Variants in PTPRG observed in about 807,000 individuals in gnomAD.
The protein encoded by PTPRG is receptor-type tyrosine-protein phosphatase gamma.
PTPRG carries 102 observed loss-of-function variants against 165.3 expected under a neutral mutation model. That is an observed-to-expected ratio of 0.62 (90% CI 0.53 to 0.73). PTPRG has a LOEUF of 0.73. Among genes scored for constraint, PTPRG ranks in the 30% least tolerant of loss-of-function variants. The pLI is 0.00. For synonymous variants in PTPRG, 675 were observed against 669.5 expected (o/e 1.01, Z -0.13); for missense variants, 1,866 against 1,861.4 (o/e 1.00, Z -0.05).
intron 1 of PTPRG, among the ~76,000 whole-genome samples, chr3:61,713,945 A>G (rs2031690564): frequency 6.6e-6 from 1 of 152,246 alleles, no homozygotes. Context: ...TAGGTTACAA[A>G]TGAACGATAA....
At chr3:62,065,691 G>A (rs2048197) in intron 4 of PTPRG, among the ~76,000 whole-genome samples, 55,216 of 152,024 alleles carry the variant, frequency 0.36, 10,380 homozygotes, top group Admixed American at 0.41. Flanking sequence ...TGCCTACCAT[G>A]TGCTTAGCTT....
At chr3:62,259,299 GTAGGCAGGGCTGTCCAATCTTTTGGC>G (rs1701625602) in intron 16 of PTPRG, among the ~76,000 whole-genome samples, 1 of 152,174 alleles carries the variant, frequency 6.6e-6, no homozygotes, top group African/African-American at 2.4e-5. Context: ...AAATGAGCCT[GTAGGCAGGGCTGTCCAATCTTTTGGC>G]TTCCCTAGGC....
At position 61,742,787 on chromosome 3, in the gene PTPRG, C is replaced by G. The variant is rs2033046150; in HGVS notation, c.86-6091C>G. ...AGAGACTCTGAGGCCAAAAACGCAT[C>G]ATACTTCTTGGCCAGCTTCTTGACC... On this transcript the variant is annotated intron_variant, in intron 1 of 29. Coordinates refer to ENST00000474889, the MANE Select transcript of PTPRG (RefSeq NM_002841.4). The G allele has an allele frequency of 5.6e-6, 9 of 1,611,286 alleles. No individual in the cohort carries two copies. In the Admixed American group the frequency reaches 1.3e-4, roughly 24 times the overall value.
intron 2 of PTPRG, among the ~76,000 whole-genome samples, chr3:61,878,052 G>A (rs181560245): frequency 6.6e-6 from 1 of 152,264 alleles, no homozygotes; most frequent in East Asian, 1.9e-4. Flanking sequence ...GGGATTTTTT[G>A]TATGAGATAA....
chr3:61,943,855 G>C (rs1037730725), intron 2 of PTPRG, among the ~76,000 whole-genome samples: 4 of 152,168 alleles, frequency 2.6e-5, no homozygotes, highest in Non-Finnish European at 5.9e-5. Flanking sequence ...TGGGATAGAG[G>C]TCATCACCCT....
At chr3:61,652,169 A>G (rs938793469) in intron 1 of PTPRG, among the ~76,000 whole-genome samples, 2 of 151,902 alleles carry the variant, frequency 1.3e-5, no homozygotes, top group African/African-American at 4.8e-5. Context: ...TTAGCAGGGT[A>G]TGGTGGTGGA....
At chr3:61,835,476 G>A (rs2036430127) in intron 2 of PTPRG, among the ~76,000 whole-genome samples, 1 of 152,022 alleles carries the variant, frequency 6.6e-6, no homozygotes, top group African/African-American at 2.4e-5. Flanking sequence ...TGGGATTACA[G>A]GCACACGCCA....
chr3:61,824,788 G>A (rs995623241), intron 2 of PTPRG, among the ~76,000 whole-genome samples: 6 of 152,206 alleles, frequency 3.9e-5, no homozygotes, highest in African/African-American at 1.4e-4. Flanking sequence ...AAGACCTCAT[G>A]TCAAAACAAA....
At chr3:62,057,566 A>G (rs1227866898) in intron 4 of PTPRG, among the ~76,000 whole-genome samples, 2 of 152,194 alleles carry the variant, frequency 1.3e-5, no homozygotes, top group Non-Finnish European at 2.9e-5. Context: ...TCACAGCTCA[A>G]AAAACTGAAA....
rs568797548 is a variant in PTPRG at position 62,295,854 on chromosome 3, A to G, written c.*2547A>G. On this transcript the variant is annotated 3_prime_UTR_variant, in exon 30 of 30. Transcript: ENST00000474889. ...TTATTCATGTGTTATTGGCAAAAAC[A>G]TAGCTTGCATCTTTCCAGAGGCAGA... 1 of 152,258 alleles carries G rather than the reference A, an allele frequency of 6.6e-6. No individual in the cohort carries two copies. Among genetic ancestry groups the G allele is most frequent in the South Asian group, 2.1e-4 (1 of 4,824 alleles). The allele number at this position is 152,258 out of a possible 1,614,324, so 9.4% of individuals were successfully genotyped here.
chr3:62,087,729 T>A (rs1358574472), intron 5 of PTPRG, among the ~76,000 whole-genome samples: 1 of 152,194 alleles, frequency 6.6e-6, no homozygotes, highest in Admixed American at 6.5e-5. Flanking sequence ...AAAGTTGGGT[T>A]TTCTGTTGAA....
intron 2 of PTPRG, among the ~76,000 whole-genome samples, chr3:61,951,102 C>T (rs1477913119): frequency 6.6e-6 from 1 of 152,206 alleles, no homozygotes; most frequent in Non-Finnish European, 1.5e-5. Context: ...GACAGTAAGT[C>T]ATTCATTGTT....
At position 62,293,859 on chromosome 3, in the gene PTPRG, G is replaced by A. The variant is rs1387025411; in HGVS notation, c.*552G>A. 1 of 152,430 alleles carries A rather than the reference G, an allele frequency of 6.6e-6. No individual in the cohort carries two copies. Among genetic ancestry groups the A allele is most frequent in the Non-Finnish European group, 1.5e-5 (1 of 67,988 alleles). The allele number at this position is 152,430 out of a possible 1,614,324, so 9.4% of individuals were successfully genotyped here. Reference sequence around the variant, plus strand: ...CCTAAAAAGGTCTGTTAATGTCATGGCCTTGAAACAGTTCCATTTATGCTG... The same window carrying A: ...CCTAAAAAGGTCTGTTAATGTCATGACCTTGAAACAGTTCCATTTATGCTG... On this transcript the variant is annotated 3_prime_UTR_variant, in exon 30 of 30. Coordinates refer to ENST00000474889, the MANE Select transcript of PTPRG (RefSeq NM_002841.4).
chr3:61,566,058 G>A (rs1699906495), intron 1 of PTPRG, among the ~76,000 whole-genome samples: 1 of 152,066 alleles, frequency 6.6e-6, no homozygotes, highest in Non-Finnish European at 1.5e-5. Flanking sequence ...CTTCTAAACA[G>A]TGTTCACATT....
chr3:61,585,280 CAA>C (rs3039784), intron 1 of PTPRG, among the ~76,000 whole-genome samples: 20,340 of 80,960 alleles, frequency 0.25, 1,922 homozygotes, highest in African/African-American at 0.39. Flanking sequence ...GACCCTGTCT[CAA>C]AAAAAAAAAA....
chr3:61,642,536 G>A (rs1243551625), intron 1 of PTPRG, among the ~76,000 whole-genome samples: 2 of 152,078 alleles, frequency 1.3e-5, no homozygotes, highest in Middle Eastern at 3.2e-3. Context: ...CCCTGGCACC[G>A]CAGAGTGAAA....
chr3:61,878,476 A>T (rs1475081384), intron 2 of PTPRG, among the ~76,000 whole-genome samples: 1 of 151,866 alleles, frequency 6.6e-6, no homozygotes, highest in African/African-American at 2.4e-5. Flanking sequence ...ACATCTCCCC[A>T]GGTTGTTTTT....
At chr3:61,611,187 G>T (rs762456772) in intron 1 of PTPRG, among the ~76,000 whole-genome samples, 6 of 152,174 alleles carry the variant, frequency 3.9e-5, no homozygotes, top group Admixed American at 6.5e-5. Context: ...ATGAGACTTA[G>T]AGCCAGTAAA....
intron 4 of PTPRG, among the ~76,000 whole-genome samples, chr3:62,019,078 A>AGCACC (rs1188980701): frequency 1.3e-5 from 2 of 152,220 alleles, no homozygotes; most frequent in Non-Finnish European, 2.9e-5. Context: ...CTGGGGCCTC[A>AGCACC]GCACCCAGGC....
Sources: gnomAD v4.1 joint callset for allele counts (sites outside exome capture counted in the v4.1 genomes callset) on GRCh38, gnomAD v4.1.1 for gene constraint, MANE v1.5 for transcripts, NCBI Gene and HGNC (gene_info 2026-07-23, HGNC 2026-07-21) for gene names.